Variants in CARD10 observed in about 807,000 individuals in gnomAD.
CARD10 encodes the protein caspase recruitment domain-containing protein 10.
CARD10 carries 49 observed loss-of-function variants against 114.6 expected under a neutral mutation model. That is an observed-to-expected ratio of 0.43 (90% CI 0.34 to 0.54). The LOEUF (loss-of-function observed/expected upper bound fraction) is 0.54, where lower values mean the gene tolerates loss of function less well. CARD10 is among the 20% of genes least tolerant of loss of function. The probability of loss-of-function intolerance (pLI) is 0.03; values close to 1 mark genes in which losing one functional copy is unlikely to be tolerated. For missense variants in CARD10, 1,206 were observed against 1,397.2 expected, an observed-to-expected ratio of 0.86 and a Z score of 2.18; for synonymous variants, 602 against 593.2, an observed-to-expected ratio of 1.01 and a Z score of -0.21.
In CARD10 at chr22:37,492,902, A is replaced by C; in HGVS notation, c.2477-100T>G. 7.8e-7 allele frequency: 1 copy of C among 1,275,456 alleles called. No homozygotes were observed. Among genetic ancestry groups the C allele is most frequent in the Non-Finnish European group, 1.1e-6 (1 of 929,224 alleles). The allele number at this position is 1,275,456 out of a possible 1,614,324, so 79.0% of individuals were successfully genotyped here. On this transcript the variant is annotated intron_variant, in intron 16 of 19. Coordinates refer to ENST00000251973, the MANE Select transcript of CARD10 (RefSeq NM_014550.4). The surrounding 1 kb of genome is among the most constrained non-coding windows in gnomAD (Gnocchi z 5.7). ...CCACCCCGCCACCCATCCCTTCCTA[A>C]GTCCTGCTGCTGCTCCTCCTACACA...
rs866647212 is a variant in CARD10, at chr22:37,494,108, C to A, written c.2454G>T (p.Gln818His). 2.4e-5 allele frequency: 37 copies of A among 1,557,638 alleles called. No individual in the cohort carries two copies. The African/African-American group carries it at 4.9e-4, about 21-fold the overall frequency. ...CACCTGCACAGGGCTCCAGCAGCAG[C>A]TGATCCGGGGAGTCCCCTGCAGGCG... is the stretch of plus-strand genomic sequence containing the variant. ...VGAPAGDSPD[Q>H]LLLEPCAEPE... Residue 818 changes from glutamine to histidine, a missense_variant, in exon 16 of 20, where the codon CAG becomes CAT. Gln to His is a conservative substitution (Grantham distance 24, BLOSUM62 0). Transcript: ENST00000251973.
intron 4 of CARD10, chr22:37,509,103 C>G: frequency 6.5e-7 from 1 of 1,528,926 alleles, no homozygotes; most frequent in Non-Finnish European, 8.8e-7. Context: ...TACAGGTAGA[C>G]CCTGGGCCCA....
rs1043480518 is a variant in CARD10 at position 37,501,533 on chromosome 22, G to A, written c.1787+1069C>T. 3.3e-5 allele frequency among the ~76,000 whole-genome samples: 5 copies of A among 152,188 alleles called. No homozygotes were observed. Among genetic ancestry groups the A allele is most frequent in the Non-Finnish European group, 7.4e-5 (5 of 68,014 alleles). Reference sequence around the variant, plus strand: ...GCCGCTCCGGAGGCCAGAGGCCCTGGTCCTATGCTGTACCCATCTGCTGCG... The same window carrying A: ...GCCGCTCCGGAGGCCAGAGGCCCTGATCCTATGCTGTACCCATCTGCTGCG... On this transcript the variant is annotated intron_variant, in intron 11 of 19. Transcript: ENST00000251973. This position sits in a 1 kb window ranked among gnomAD's most constrained non-coding sequence, Gnocchi z 5.4.
At chr22:37,499,162 G>T (rs1045360789) in intron 11 of CARD10, among the ~76,000 whole-genome samples, 3 of 152,090 alleles carry the variant, frequency 2.0e-5, no homozygotes, top group Non-Finnish European at 2.9e-5. Flanking sequence ...CTCACTGTGG[G>T]TTGTGGTCAG....
Position 37,492,285 on chromosome 22 carries a change from G to C in CARD10, c.2751+150C>G. 1 of 622,358 alleles carries C rather than the reference G, an allele frequency of 1.6e-6. No homozygotes were observed. The highest frequency in any genetic ancestry group is 2.2e-5 in the South Asian group (1 of 45,536). 38.6% of individuals were successfully genotyped at this position (622,358 alleles called of 1,614,324 possible). A position where few individuals can be genotyped will look rare whatever the true frequency, so the allele number is the denominator to read the frequency against. On this transcript the variant is annotated intron_variant, in intron 18 of 19. Transcript: ENST00000251973. The surrounding 1 kb of genome is among the most constrained non-coding windows in gnomAD (Gnocchi z 5.7). ...CAGGCAACAGGTGAGGAAACTGAAG[G>C]CCACAGGAGGGAAAGGACTTGGCCA...
chr22:37,507,037 G>C (rs552146098), intron 6 of CARD10, among the ~76,000 whole-genome samples: 8 of 152,356 alleles, frequency 5.3e-5, no homozygotes, highest in Admixed American at 5.2e-4. Flanking sequence ...CCAGCACTTT[G>C]GGAGGCTGAG....
intron 3 of CARD10, 105 bp downstream of exon 3, chr22:37,515,868 G>A (rs1370585563): frequency 2.1e-5 from 19 of 912,714 alleles, no homozygotes; most frequent in East Asian, 5.4e-5. Context: ...ACTTATCCAC[G>A]TCAAAGAGCC....
chr22:37,498,453 C>A (rs1923087383), intron 11 of CARD10, among the ~76,000 whole-genome samples: 1 of 152,218 alleles, frequency 6.6e-6, no homozygotes. Context: ...CCAAGGTCAG[C>A]AGGTGTGCTG....
In CARD10 at chr22:37,496,257, G is replaced by C. The variant is rs1007397873; in HGVS notation, c.2059+192C>G. On this transcript the variant is annotated intron_variant, in intron 13 of 19. Transcript: ENST00000251973. This position sits in a 1 kb window ranked among gnomAD's most constrained non-coding sequence, Gnocchi z 4.1. Reference sequence around the variant, plus strand: ...TGTAGTGCTCCTTTCACTGTAAGCTGCTTACAGAGGGAGGCATAGAGAAAG... The same window carrying C: ...TGTAGTGCTCCTTTCACTGTAAGCTCCTTACAGAGGGAGGCATAGAGAAAG... Among the ~76,000 whole-genome samples the C allele has an allele frequency of 6.6e-6, 1 of 152,192 alleles. No homozygotes were observed. The highest frequency in any genetic ancestry group is 1.5e-5 in the Non-Finnish European group (1 of 68,030).
chr22:37,492,447 C>T lies in CARD10; in HGVS notation c.2739G>A (p.Glu913=). The change falls in exon 18 of 20, where the codon GAG becomes GAA. Residue 913 remains glutamate (E), a synonymous_variant. Transcript: ENST00000251973. This position sits in a 1 kb window ranked among gnomAD's most constrained non-coding sequence, Gnocchi z 5.7. ...CCCCAGCACCCACCTTCCCAACAGA[C>T]TCCTGGATGGCCCGGATCCTGCTGC... ...GLGSRIRAIQ[E]SVGKKHCLLE... The T allele has an allele frequency of 1.3e-6, 2 of 1,575,710 alleles. No homozygotes were observed. The highest frequency in any genetic ancestry group is 1.8e-5 in the Admixed American group (1 of 55,690).
At chr22:37,505,118 T>C (rs1213946183) in intron 7 of CARD10, among the ~76,000 whole-genome samples, 1 of 152,062 alleles carries the variant, frequency 6.6e-6, no homozygotes, top group Non-Finnish European at 1.5e-5. Flanking sequence ...ATCAACAGCA[T>C]GTGCAAAGGC....
At chr22:37,508,403 A>T (rs1923488675) in intron 5 of CARD10, 124 bp downstream of exon 5, 1 of 1,119,340 alleles carries the variant, frequency 8.9e-7, no homozygotes, top group Non-Finnish European at 1.2e-6. Flanking sequence ...TCAACATCTG[A>T]GAACAAATGA....
Position 37,490,490 on chromosome 22 carries a change from T to C in CARD10, c.*669A>G, listed in dbSNP as rs5750441. 13,950 of 152,226 alleles carry C rather than the reference T, an allele frequency of 0.092. 789 individuals are homozygous for C. The highest frequency in any genetic ancestry group is 0.26 in the East Asian group (1,345 of 5,166). 9.4% of individuals were successfully genotyped at this position (152,226 alleles called of 1,614,324 possible). A position where few individuals can be genotyped will look rare whatever the true frequency, so the allele number is the denominator to read the frequency against. On this transcript the variant is annotated 3_prime_UTR_variant, in exon 20 of 20. Transcript: ENST00000251973. ...TCCTCGGCCCCCCAAGAGGGAGGCATAGGCAGGGAGTGGGCCCTGTGAGGC... is the reference window on the plus strand; with the variant it reads ...TCCTCGGCCCCCCAAGAGGGAGGCACAGGCAGGGAGTGGGCCCTGTGAGGC...
rs1478997200 is a variant in CARD10 at position 37,494,115 on chromosome 22, G to A, written c.2447C>T (p.Pro816Leu). The A allele has an allele frequency of 1.5e-5, 24 of 1,558,804 alleles. No homozygotes were observed. The highest frequency in any genetic ancestry group is 3.8e-5 in the Admixed American group (2 of 52,314). The change falls in exon 16 of 20, where the codon CCG (proline) becomes CTG (leucine). Residue 816 changes from proline to leucine, a missense_variant. This residue lies in a region of CARD10 where 1,068 missense variants were observed against 1,179.1 expected (regional missense o/e 0.91). Transcript: ENST00000251973. ...ACAGGGCTCCAGCAGCAGCTGATCCGGGGAGTCCCCTGCAGGCGCCCCCAC... is the reference window on the plus strand; with the variant it reads ...ACAGGGCTCCAGCAGCAGCTGATCCAGGGAGTCCCCTGCAGGCGCCCCCAC... Reference protein sequence around the residue: ...KPVGAPAGDSPDQLLLEPCAE... With the variant: ...KPVGAPAGDSLDQLLLEPCAE...
rs913179053 is a variant in CARD10 at position 37,491,144 on chromosome 22, G to A, written c.*15C>T. The A allele has an allele frequency of 7.8e-6, 12 of 1,536,064 alleles. No individual in the cohort carries two copies. The highest frequency in any genetic ancestry group is 1.1e-5 in the Non-Finnish European group (12 of 1,135,734). ...CACGCTGGCTTGGGGAGAAGGTGCAGGTATCAGATGAGCCTCAGGCCTCAC... is the reference window on the plus strand; with the variant it reads ...CACGCTGGCTTGGGGAGAAGGTGCAAGTATCAGATGAGCCTCAGGCCTCAC... On this transcript the variant is annotated 3_prime_UTR_variant, in exon 20 of 20. Transcript: ENST00000251973.
intron 11 of CARD10, among the ~76,000 whole-genome samples, chr22:37,500,611 G>C (rs1410426296): frequency 1.3e-5 from 2 of 152,140 alleles, no homozygotes; most frequent in Non-Finnish European, 2.9e-5. Flanking sequence ...GCCCAACATG[G>C]TGCCCAGTAC....
rs1042786525 is a variant in CARD10, at chr22:37,491,796, G to A, written c.2823C>T (p.Val941=). 4.1e-6 allele frequency: 6 copies of A among 1,456,110 alleles called. No individual in the cohort carries two copies. The African/African-American group carries it at 8.7e-5, about 21-fold the overall frequency. 90.2% of individuals were successfully genotyped at this position (1,456,110 alleles called of 1,614,324 possible). Residue 941 remains valine, a synonymous_variant, in exon 19 of 20, where the codon GTC becomes GTT. Coordinates refer to ENST00000251973, the MANE Select transcript of CARD10 (RefSeq NM_014550.4). ...TCTTCTCAGTCACCTCCACGTGGAT[G>A]ACGATGGGGTAGATCTCGTTCTGCA... ...ELVQNEIYPI[V]IHVEVTEKNV... is the part of the protein sequence containing the mutation.
At chr22:37,511,081 CAAAAAAA>C (rs869295765) in intron 3 of CARD10, among the ~76,000 whole-genome samples, 4 of 92,076 alleles carry the variant, frequency 4.3e-5, no homozygotes, top group Non-Finnish European at 4.6e-5. Context: ...GACTCTGTCT[CAAAAAAA>C]AAAAAAAAAA....
In CARD10 at chr22:37,504,318, G is replaced by A. The variant is rs776223101; in HGVS notation, c.1519-17C>T. Reference sequence around the variant, plus strand: ...GGCTTCCTCCTGCAATGCCATGACAGGGCCTGGGTCACCCCCACTGCCCAG... The same window carrying A: ...GGCTTCCTCCTGCAATGCCATGACAAGGCCTGGGTCACCCCCACTGCCCAG... On this transcript the variant is annotated splice_polypyrimidine_tract_variant and intron_variant, in intron 8 of 19. Coordinates refer to ENST00000251973, the MANE Select transcript of CARD10 (RefSeq NM_014550.4). The A allele has an allele frequency of 4.7e-6, 7 of 1,486,534 alleles. No homozygotes were observed. The highest frequency in any genetic ancestry group is 6.3e-6 in the Non-Finnish European group (7 of 1,103,874). The allele number at this position is 1,486,534 out of a possible 1,614,324, so 92.1% of individuals were successfully genotyped here.
Sources: gnomAD v4.1 joint callset for allele counts (sites outside exome capture counted in the v4.1 genomes callset) on GRCh38, gnomAD v4.1.1 for gene constraint, gnomAD v4.1.1 regional missense constraint, Gnocchi (gnomAD v3.1) non-coding constraint, MANE v1.5 for transcripts, NCBI Gene and HGNC (gene_info 2026-07-23, HGNC 2026-07-21) for gene names.